DLL4: variants seen among roughly 807,000 people sequenced by gnomAD.
DLL4 encodes the protein delta-like protein 4.
DLL4 carries 7 observed loss-of-function variants against 73.6 expected under a neutral mutation model. That is an observed-to-expected ratio of 0.10 (90% CI 0.05 to 0.18). The LOEUF (loss-of-function observed/expected upper bound fraction) is 0.18. Ranked by LOEUF, DLL4 falls within the 10% of genes least tolerant of loss-of-function variation. DLL4 has a pLI of 1.00. For missense variants in DLL4, 614 were observed against 929.9 expected, an observed-to-expected ratio of 0.66 and a Z score of 4.42; for synonymous variants, 345 against 374.3, an observed-to-expected ratio of 0.92 and a Z score of 0.90.
chr15:40,934,187 A>T (rs908510666), intron 6 of DLL4, among the ~76,000 whole-genome samples: 5 of 151,882 alleles, frequency 3.3e-5, no homozygotes, highest in Non-Finnish European at 7.4e-5. Flanking sequence ...TTAATCGGGC[A>T]CAGTGGCGCA....
intron 9 of DLL4, 31 bp downstream of exon 9, chr15:40,936,961 C>T: frequency 1.3e-6 from 2 of 1,516,422 alleles, no homozygotes; most frequent in Non-Finnish European, 1.8e-6. Context: ...CAGGGCCTGG[C>T]CACCGGCCCC....
At chr15:40,931,322 T>A (rs1892766761) in intron 3 of DLL4, 181 bp from the exon 4 acceptor site, 1 of 667,164 alleles carries the variant, frequency 1.5e-6, no homozygotes, top group Non-Finnish European at 2.5e-6. Flanking sequence ...GTAGGGCAGC[T>A]ACGTAGCGGG....
rs1892761900 is a variant in DLL4, at chr15:40,930,984, TC to T, written c.394+304del. On this transcript the variant is annotated intron_variant, in intron 3 of 10. Transcript: ENST00000249749. This position sits in a 1 kb window ranked among gnomAD's most constrained non-coding sequence, Gnocchi z 5.7. ...ATTTTACACCTTTCGCGAATTCCGC[TC>T]CTTTGGAAAGGGAATAATGGCTTTG... 1.9e-6 allele frequency: 1 copy of T among 515,722 alleles called. No homozygotes were observed. The highest frequency in any genetic ancestry group is 3.4e-6 in the Non-Finnish European group (1 of 289,880). 31.9% of individuals were successfully genotyped at this position (515,722 alleles called of 1,614,324 possible).
In DLL4 at chr15:40,931,578, T is replaced by G. The variant is rs1336787203; in HGVS notation, c.470T>G (p.Leu157Trp). Residue 157 changes from leucine to tryptophan, a missense_variant, in exon 4 of 11, where the codon TTG becomes TGG. Around this residue, in one of 3 missense-constraint regions of DLL4, gnomAD observed 227 missense variants for 370.8 expected, o/e 0.61. Coordinates refer to ENST00000249749, the MANE Select transcript of DLL4 (RefSeq NM_019074.4). ...CTAGCTGTGGGTCAGAACTGGTTATTGGATGAGCAAACCAGCACCCTCACA... is the reference window on the plus strand; with the variant it reads ...CTAGCTGTGGGTCAGAACTGGTTATGGGATGAGCAAACCAGCACCCTCACA... ...GSLAVGQNWL[L>W]DEQTSTLTRL... 1.7e-5 allele frequency: 27 copies of G among 1,612,306 alleles called. No homozygotes were observed. Among genetic ancestry groups the G allele is most frequent in the Non-Finnish European group, 2.3e-5 (27 of 1,179,252 alleles).
At chr15:40,931,056 C>G (rs894258865) in intron 3 of DLL4, 1 of 388,220 alleles carries the variant, frequency 2.6e-6, no homozygotes, top group East Asian at 4.7e-5. Flanking sequence ...AGCAGCACAA[C>G]AATTCTCACT....
In DLL4 at chr15:40,932,151, GCT is replaced by G; in HGVS notation, c.659-17_659-16del. 6.2e-7 allele frequency: 1 copy of G among 1,613,992 alleles called. No individual in the cohort carries two copies. Among genetic ancestry groups the G allele is most frequent in the Non-Finnish European group, 8.5e-7 (1 of 1,179,864 alleles). ...GTCCTTGGTATCCCAGCCTCACCCA[GCT>G]CTGTGTTCTTCCCTTAGCTATCTGT... On this transcript the variant is annotated intron_variant, in intron 4 of 10. Transcript: ENST00000249749.
Position 40,936,554 on chromosome 15 carries a change from T to C in DLL4, c.1567T>C (p.Leu523=). Reference sequence around the variant, plus strand: ...CAGCCGCTGCGAGTTCCCCGTGGGCTTGCCGCCCAGCTTCCCCTGGGTGGC... The same window carrying C: ...CAGCCGCTGCGAGTTCCCCGTGGGCCTGCCGCCCAGCTTCCCCTGGGTGGC... ...VGSRCEFPVG[L]PPSFPWVAVS... The change falls in exon 9 of 11, where the codon TTG becomes CTG. Residue 523 remains leucine (L), a synonymous_variant. Coordinates refer to ENST00000249749, the MANE Select transcript of DLL4 (RefSeq NM_019074.4). 6 of 1,610,230 alleles carry C rather than the reference T, an allele frequency of 3.7e-6. No homozygotes were observed. The highest frequency in any genetic ancestry group is 5.1e-6 in the Non-Finnish European group (6 of 1,178,818).
chr15:40,931,469 G>A (rs1253178732), intron 3 of DLL4, 34 bp from the exon 4 acceptor site: 7 of 1,589,346 alleles, frequency 4.4e-6, no homozygotes, highest in Non-Finnish European at 6.0e-6. Context: ...GGGGACTGGC[G>A]ACCCTTCCCT....
chr15:40,930,944 C>T lies in DLL4; in HGVS notation c.394+262C>T, dbSNP rs954900196. On this transcript the variant is annotated intron_variant, in intron 3 of 10. Coordinates refer to ENST00000249749, the MANE Select transcript of DLL4 (RefSeq NM_019074.4). The surrounding 1 kb of genome is among the most constrained non-coding windows in gnomAD (Gnocchi z 5.7). ...AGGCTGAAGCTGCCAGCGCCGCTGACGGGCCCCTTCCTGTATTTTACACCT... is the reference window on the plus strand; with the variant it reads ...AGGCTGAAGCTGCCAGCGCCGCTGATGGGCCCCTTCCTGTATTTTACACCT... 31 of 573,598 alleles carry T rather than the reference C, an allele frequency of 5.4e-5. No homozygotes were observed. Among genetic ancestry groups the T allele is most frequent in the African/African-American group, 5.1e-4 (27 of 53,244 alleles). 35.5% of individuals were successfully genotyped at this position (573,598 alleles called of 1,614,324 possible).
Position 40,931,625 on chromosome 15 carries a change from G to A in DLL4, c.517G>A (p.Val173Ile). The change falls in exon 4 of 11, where the codon GTC (valine) becomes ATC (isoleucine). Residue 173 changes from valine (V) to isoleucine (I), a missense_variant. Physicochemically the swap from Val to Ile is conservative, Grantham distance 29 (BLOSUM62 3). Transcript: ENST00000249749. ...TLTRLRYSYR[V>I]ICSDNYYGDN... ...CACAAGGCTGCGCTACTCTTACCGG[G>A]TCATCTGCAGTGACAACTACTATGG... 1 of 1,613,344 alleles carries A rather than the reference G, an allele frequency of 6.2e-7. No individual in the cohort carries two copies. Among genetic ancestry groups the A allele is most frequent in the Non-Finnish European group, 8.5e-7 (1 of 1,179,640 alleles).
chr15:40,938,436 G>C lies in DLL4; in HGVS notation c.*402G>C, dbSNP rs1892874718. ...GTTTCCAAAAGTGCCTTTGGCCCAGGCTCCACGGCGACAGTTGGGCCCAAA... is the reference window on the plus strand; with the variant it reads ...GTTTCCAAAAGTGCCTTTGGCCCAGCCTCCACGGCGACAGTTGGGCCCAAA... On this transcript the variant is annotated 3_prime_UTR_variant, in exon 11 of 11. Transcript: ENST00000249749. The C allele has an allele frequency of 5.9e-6, 1 of 170,146 alleles. No individual in the cohort carries two copies. Among genetic ancestry groups the C allele is most frequent in the Non-Finnish European group, 1.2e-5 (1 of 80,048 alleles). 10.5% of individuals were successfully genotyped at this position (170,146 alleles called of 1,614,324 possible).
At chr15:40,933,194 G>A (rs1049156315) in intron 6 of DLL4, among the ~76,000 whole-genome samples, 2 of 152,196 alleles carry the variant, frequency 1.3e-5, no homozygotes, top group African/African-American at 4.8e-5. Flanking sequence ...TGGGCAGAGA[G>A]CTTGCCAGGG....
In DLL4 at chr15:40,932,220, A is replaced by G. The variant is rs753025345; in HGVS notation, c.708A>G (p.Pro236=). The G allele has an allele frequency of 6.2e-7, 1 of 1,614,064 alleles. No homozygotes were observed. Among genetic ancestry groups the G allele is most frequent in the Non-Finnish European group, 8.5e-7 (1 of 1,179,902 alleles). ...CHEQNGYCSK[P]AECLCRPGWQ... ...AACAGAATGGCTACTGCAGCAAGCC[A>G]GCAGAGTGCCTGTGAGTAGGGGACA... The change falls in exon 5 of 11, where the codon CCA becomes CCG. Residue 236 remains proline, a synonymous_variant. Coordinates refer to ENST00000249749, the MANE Select transcript of DLL4 (RefSeq NM_019074.4).
At chr15:40,934,474 A>T in intron 6 of DLL4, 74 bp from the exon 7 acceptor site, 1 of 1,522,742 alleles carries the variant, frequency 6.6e-7, no homozygotes, top group South Asian at 1.2e-5. Flanking sequence ...ATGGGGGCAA[A>T]CATGGACTGC....
intron 6 of DLL4, 69 bp downstream of exon 6, chr15:40,932,516 C>T (rs903881797): frequency 1.3e-5 from 21 of 1,576,348 alleles, no homozygotes; most frequent in Admixed American, 8.8e-5. Flanking sequence ...AAATCCGATT[C>T]GTCACCTGGA....
chr15:40,937,008 G>A, intron 9 of DLL4, 78 bp downstream of exon 9: 1 of 1,274,994 alleles, frequency 7.8e-7, no homozygotes, highest in South Asian at 1.5e-5. Context: ...AGGCCAGGCG[G>A]GAAGCAGTTA....
intron 3 of DLL4, chr15:40,931,162 T>C: frequency 2.4e-6 from 1 of 424,154 alleles, no homozygotes; most frequent in Non-Finnish European, 4.2e-6. Flanking sequence ...CTCTCTAGCC[T>C]GGGGAGCTTT....
chr15:40,934,850 C>A, intron 7 of DLL4, 48 bp from the exon 8 acceptor site: 1 of 1,596,358 alleles, frequency 6.3e-7, no homozygotes, highest in Non-Finnish European at 8.6e-7. Flanking sequence ...AGTCACACAT[C>A]CCTGCCCCCC....
chr15:40,932,643 G>A (rs766269181), intron 6 of DLL4, among the ~76,000 whole-genome samples, 196 bp downstream of exon 6: 14 of 152,130 alleles, frequency 9.2e-5, no homozygotes, highest in African/African-American at 1.9e-4. Flanking sequence ...CTCCAGGTGC[G>A]GCGGCAGGGG....
Sources: allele counts gnomAD v4.1 joint callset (sites outside exome capture counted in the v4.1 genomes callset), GRCh38; gene constraint gnomAD v4.1.1; regional missense constraint gnomAD v4.1.1; non-coding constraint Gnocchi (gnomAD v3.1); transcripts MANE v1.5; gene names NCBI Gene and HGNC (gene_info 2026-07-23, HGNC 2026-07-21).